Variants in PARD3B observed in about 807,000 individuals in gnomAD.
The protein encoded by PARD3B is partitioning defective 3 homolog B.
Under a neutral mutation model 130.2 loss-of-function variants are expected in PARD3B, and 103 were observed. That is an observed-to-expected ratio of 0.79 (90% CI 0.67 to 0.93). The LOEUF is 0.93. Among genes scored for constraint, PARD3B ranks in the 40% least tolerant of loss-of-function variants. The pLI is 0.00. For synonymous variants in PARD3B, 583 were observed against 553.2 expected (o/e 1.05, Z -0.76); for missense variants, 1,609 against 1,499.2 (o/e 1.07, Z -1.21).
chr2:204,763,693 C>A (rs919452392), intron 2 of PARD3B, among the ~76,000 whole-genome samples: 1 of 152,150 alleles, frequency 6.6e-6, no homozygotes, highest in Non-Finnish European at 1.5e-5. Context: ...GCACATAATG[C>A]CAGACAGTCC....
chr2:205,366,367 CAGAGGTAA>C lies in PARD3B; in HGVS notation c.2631-34642_2631-34635del, dbSNP rs372730695. Among the ~76,000 whole-genome samples, 577 of 152,270 alleles carry C rather than the reference CAGAGGTAA, an allele frequency of 3.8e-3. 1 individual carries two copies. The highest frequency in any genetic ancestry group is 6.8e-3 in the Non-Finnish European group (462 of 68,032). On this transcript the variant is annotated intron_variant, in intron 18 of 22. Coordinates refer to ENST00000406610, the MANE Select transcript of PARD3B (RefSeq NM_001302769.2). The surrounding 1 kb of genome is among the most constrained non-coding windows in gnomAD (Gnocchi z 5.0). Reference sequence around the variant, plus strand: ...ATTTGCTGTGCAGTGCTTACATGGACAGAGGTAAAGAATTTCCTACTTATATTCGATGA... The same window carrying C: ...ATTTGCTGTGCAGTGCTTACATGGACAGAATTTCCTACTTATATTCGATGA...
At position 205,116,528 on chromosome 2, in the gene PARD3B, A is replaced by T. The variant is rs1035958395; in HGVS notation, c.681-2393A>T. Among the ~76,000 whole-genome samples, 23 of 152,204 alleles carry T rather than the reference A, an allele frequency of 1.5e-4. No homozygotes were observed. Among genetic ancestry groups the T allele is most frequent in the Non-Finnish European group, 2.8e-4 (19 of 68,028 alleles). On this transcript the variant is annotated intron_variant, in intron 6 of 22. Transcript: ENST00000406610. The surrounding 1 kb of genome is among the most constrained non-coding windows in gnomAD (Gnocchi z 4.5). ...ATTTCAGCATCCTTTATCACTGTTC[A>T]TTAATGCAAATTAACTGGTTAGTCT...
At chr2:205,150,257 A>G (rs1199273583) in intron 10 of PARD3B, among the ~76,000 whole-genome samples, 17 of 75,270 alleles carry the variant, frequency 2.3e-4, no homozygotes, top group East Asian at 7.6e-4. Flanking sequence ...GTGTGTGCAC[A>G]CACGCTTGAA....
chr2:205,514,278 A>T (rs991353145), intron 21 of PARD3B, among the ~76,000 whole-genome samples: 1 of 152,136 alleles, frequency 6.6e-6, no homozygotes, highest in South Asian at 2.1e-4. Context: ...CAGGTAGTCA[A>T]GGTGGGTATT....
At chr2:204,770,493 G>T (rs1278802319) in intron 2 of PARD3B, among the ~76,000 whole-genome samples, 5 of 151,672 alleles carry the variant, frequency 3.3e-5, no homozygotes, top group East Asian at 1.9e-4. Flanking sequence ...ATTTGGGGTG[G>T]AGAGTTCTGT....
At chr2:205,136,000 A>C (rs6715781) in intron 10 of PARD3B, among the ~76,000 whole-genome samples, 135,311 of 152,084 alleles carry the variant, frequency 0.89, 60,783 homozygotes, top group East Asian at 1. Context: ...TTAAGTTTAC[A>C]CTTCTTAAAA....
At chr2:204,864,871 G>A (rs2045347816) in intron 2 of PARD3B, among the ~76,000 whole-genome samples, 1 of 152,084 alleles carries the variant, frequency 6.6e-6, no homozygotes, top group Non-Finnish European at 1.5e-5. Context: ...CTCTTCTGAT[G>A]TGACAATAAA....
At position 205,346,352 on chromosome 2, in the gene PARD3B, C is replaced by G. The variant is rs550273843; in HGVS notation, c.2630+44651C>G. On this transcript the variant is annotated intron_variant, in intron 18 of 22. Transcript: ENST00000406610. ...CCTGACCTCCAGCTTGTCATAGTCT[C>G]TACCTTGCCTCCTTGCCTCCCCACA... is the stretch of plus-strand genomic sequence containing the variant. Among the ~76,000 whole-genome samples the G allele has an allele frequency of 7.9e-5, 12 of 152,146 alleles. No individual in the cohort carries two copies. In the East Asian group the frequency reaches 1.8e-3, roughly 22 times the overall value.
chr2:204,934,263 C>CT (rs1688243353), intron 2 of PARD3B, among the ~76,000 whole-genome samples: 2 of 152,164 alleles, frequency 1.3e-5, no homozygotes, highest in South Asian at 4.1e-4. Context: ...CAGATACACT[C>CT]TGAGTGTTTA....
At chr2:204,838,198 T>A (rs1045982458) in intron 2 of PARD3B, among the ~76,000 whole-genome samples, 1 of 139,566 alleles carries the variant, frequency 7.2e-6, no homozygotes, top group Admixed American at 7.1e-5. Flanking sequence ...TATTATTATT[T>A]TTGAGAAGGA....
chr2:205,427,710 A>G (rs114948477), intron 19 of PARD3B, among the ~76,000 whole-genome samples: 3,303 of 152,314 alleles, frequency 0.022, 48 homozygotes, highest in Non-Finnish European at 0.028. Context: ...TGCCTTACAT[A>G]TAGCAAATTA....
intron 2 of PARD3B, among the ~76,000 whole-genome samples, chr2:204,860,109 G>T (rs1184561479): frequency 1.3e-5 from 2 of 151,788 alleles, no homozygotes; most frequent in Non-Finnish European, 2.9e-5. Flanking sequence ...ATAATTTATT[G>T]TAATTAAGAA....
intron 6 of PARD3B, among the ~76,000 whole-genome samples, chr2:205,118,459 ATGTT>A (rs2030186448): frequency 1.3e-5 from 2 of 152,206 alleles, no homozygotes; most frequent in Non-Finnish European, 2.9e-5. Context: ...CTGAGCTTAA[ATGTT>A]TCTTTACTTC....
At chr2:204,905,655 A>AG (rs2047017445) in intron 2 of PARD3B, among the ~76,000 whole-genome samples, 1 of 152,130 alleles carries the variant, frequency 6.6e-6, no homozygotes, top group South Asian at 2.1e-4. Flanking sequence ...TCTCTGCTGT[A>AG]GGTGAGGGAC....
At chr2:204,558,579 G>A (rs901563857) in intron 1 of PARD3B, among the ~76,000 whole-genome samples, 3 of 152,166 alleles carry the variant, frequency 2.0e-5, no homozygotes, top group Non-Finnish European at 4.4e-5. Context: ...CATGCTCATG[G>A]ATAGGAAGAA....
intron 21 of PARD3B, among the ~76,000 whole-genome samples, chr2:205,546,998 T>A (rs376980012): frequency 6.6e-6 from 1 of 152,158 alleles, no homozygotes; most frequent in African/African-American, 2.4e-5. Flanking sequence ...TTTTCCACAA[T>A]AATCATTTAA....
intron 3 of PARD3B, among the ~76,000 whole-genome samples, chr2:204,970,593 T>C (rs754620395): frequency 2.4e-4 from 36 of 152,230 alleles, no homozygotes; most frequent in Admixed American, 2.6e-4. Flanking sequence ...ATGGCCCCAA[T>C]TAATTAGTAG....
rs1450446154 is a variant in PARD3B at position 205,300,064 on chromosome 2, G to T, written c.2186-466G>T. 6.6e-6 allele frequency among the ~76,000 whole-genome samples: 1 copy of T among 152,178 alleles called. No individual in the cohort carries two copies. Among genetic ancestry groups the T allele is most frequent in the African/African-American group, 2.4e-5 (1 of 41,430 alleles). On this transcript the variant is annotated intron_variant, in intron 16 of 22. Coordinates refer to ENST00000406610, the MANE Select transcript of PARD3B (RefSeq NM_001302769.2). The surrounding 1 kb of genome is among the most constrained non-coding windows in gnomAD (Gnocchi z 4.1). Reference sequence around the variant, plus strand: ...GGCAATGATAAAAGCTGTCAGGTGTGGGAGTGCTAGGACGATACTGGAAGA... The same window carrying T: ...GGCAATGATAAAAGCTGTCAGGTGTTGGAGTGCTAGGACGATACTGGAAGA...
chr2:204,770,671 C>T (rs2041330879), intron 2 of PARD3B, among the ~76,000 whole-genome samples: 1 of 151,984 alleles, frequency 6.6e-6, no homozygotes, highest in Non-Finnish European at 1.5e-5. Context: ...GAGGTTTGTG[C>T]AAGATTTTTA....
Sources: allele counts gnomAD v4.1 joint callset (sites outside exome capture counted in the v4.1 genomes callset), GRCh38; gene constraint gnomAD v4.1.1; non-coding constraint Gnocchi (gnomAD v3.1); transcripts MANE v1.5; gene names NCBI Gene and HGNC (gene_info 2026-07-23, HGNC 2026-07-21).